The following CEP85L variants were observed in gnomAD, a reference collection of about 807,000 sequenced individuals.
The protein encoded by CEP85L is centrosomal protein of 85 kDa-like.
A neutral mutation model predicts 100.3 loss-of-function variants in CEP85L; 60 were observed. The observed-to-expected ratio is 0.60, with a 90% CI of 0.49 to 0.74. The LOEUF (loss-of-function observed/expected upper bound fraction) is 0.74, where lower values mean the gene tolerates loss of function less well. CEP85L is among the 30% of genes least tolerant of loss of function. CEP85L has a pLI of 0.00. For synonymous variants in CEP85L, 319 were observed against 322.7 expected (o/e 0.99, Z 0.12); for missense variants, 973 against 936.2 (o/e 1.04, Z -0.51).
chr6:118,671,888 G>A (rs1776316562), intron 1 of CEP85L, among the ~76,000 whole-genome samples: 1 of 152,194 alleles, frequency 6.6e-6, no homozygotes, highest in Non-Finnish European at 1.5e-5. Context: ...AGTGAGCTGA[G>A]ATGGTGCCAC....
intron 2 of CEP85L, among the ~76,000 whole-genome samples, chr6:118,612,656 G>T (rs373995179): frequency 2.1e-4 from 15 of 70,956 alleles, no homozygotes; most frequent in Non-Finnish European, 3.4e-4. Context: ...GTGAGACTCT[G>T]TCTCAAAAAA....
chr6:118,471,280 T>C (rs1193987575), intron 10 of CEP85L, among the ~76,000 whole-genome samples: 3 of 152,050 alleles, frequency 2.0e-5, no homozygotes, highest in East Asian at 3.8e-4. Flanking sequence ...ACATTTTGAG[T>C]CTTTGGTTAG....
intron 1 of CEP85L, among the ~76,000 whole-genome samples, chr6:118,638,678 T>C (rs1008910854): frequency 6.6e-6 from 1 of 151,446 alleles, no homozygotes; most frequent in African/African-American, 2.4e-5. Flanking sequence ...CAAGAAACTC[T>C]ACATTGGAAC....
At chr6:118,672,308 G>T (rs1261626725) in intron 1 of CEP85L, among the ~76,000 whole-genome samples, 1 of 152,140 alleles carries the variant, frequency 6.6e-6, no homozygotes, top group Non-Finnish European at 1.5e-5. Flanking sequence ...AAAATGCTGG[G>T]ATTGCAGGCG....
At chr6:118,590,549 A>G (rs1781127636) in intron 2 of CEP85L, among the ~76,000 whole-genome samples, 1 of 152,044 alleles carries the variant, frequency 6.6e-6, no homozygotes, top group African/African-American at 2.4e-5. Context: ...GGGTTAAGTG[A>G]ATGATATACC....
chr6:118,640,641 C>T (rs1487179135), intron 1 of CEP85L, among the ~76,000 whole-genome samples: 1 of 152,152 alleles, frequency 6.6e-6, no homozygotes, highest in Non-Finnish European at 1.5e-5. Flanking sequence ...TCTCCTGCCT[C>T]AGCCTCCCAA....
chr6:118,588,971 A>G lies in CEP85L; in HGVS notation c.233-22655T>C, dbSNP rs904068373. 35 of 191,828 alleles carry G rather than the reference A, an allele frequency of 1.8e-4. 1 individual carries two copies. In the East Asian group the frequency reaches 2.1e-3, roughly 11 times the overall value. The allele number at this position is 191,828 out of a possible 1,614,324, so 11.9% of individuals were successfully genotyped here. ...TCTCCTCCGGGTAGAATGTTATAGG[A>G]GTTATTAAAAAATTATTTGGCCACT... On this transcript the variant is annotated intron_variant, in intron 2 of 12. Coordinates refer to ENST00000368491, the MANE Select transcript of CEP85L (RefSeq NM_001042475.3).
At chr6:118,558,016 G>A (rs1778979658) in intron 3 of CEP85L, among the ~76,000 whole-genome samples, 1 of 151,222 alleles carries the variant, frequency 6.6e-6, no homozygotes, top group Non-Finnish European at 1.5e-5. Context: ...CCAGGCTGGA[G>A]TACAGTGGCA....
chr6:118,565,805 C>T lies in CEP85L; in HGVS notation c.744G>A (p.Arg248=). Residue 248 remains arginine (R), a synonymous_variant, in exon 3 of 13, where the codon AGG becomes AGA. Coordinates refer to ENST00000368491, the MANE Select transcript of CEP85L (RefSeq NM_001042475.3). ...EDFRASSSTL[R]RQPVDMTYSA... ...TATATGTCATGTCTACAGGCTGTCT[C>T]CTAAGAGTAGAGGAAGAGGCTCTAA... 6.2e-7 allele frequency: 1 copy of T among 1,614,124 alleles called. No homozygotes were observed. Among genetic ancestry groups the T allele is most frequent in the Non-Finnish European group, 8.5e-7 (1 of 1,180,020 alleles).
rs754632133 is a variant in CEP85L, at chr6:118,566,127, T to C, written c.422A>G (p.Gln141Arg). 14 of 1,614,182 alleles carry C rather than the reference T, an allele frequency of 8.7e-6. No individual in the cohort carries two copies. Among genetic ancestry groups the C allele is most frequent in the Non-Finnish European group, 1.1e-5 (13 of 1,180,012 alleles). The change falls in exon 3 of 13, where the codon CAG becomes CGG. Residue 141 changes from glutamine (Q) to arginine (R), a missense_variant. Gln to Arg is a conservative substitution (Grantham distance 43). Transcript: ENST00000368491. Reference protein sequence around the residue: ...QTLGNHSRGEQDSSLDMKDFR... With the variant: ...QTLGNHSRGERDSSLDMKDFR... The stretch of plus-strand genomic sequence containing the variant: ...GTCCTTCATGTCTAGGGAAGAGTCC[T>C]GCTCCCCCCTACTGTGGTTTCCCAA...
At chr6:118,572,195 C>T (rs1370453657) in intron 2 of CEP85L, among the ~76,000 whole-genome samples, 4 of 150,518 alleles carry the variant, frequency 2.7e-5, no homozygotes, top group African/African-American at 4.9e-5. Flanking sequence ...GTTTTTTTTC[C>T]CTTCCTGCTA....
At position 118,552,059 on chromosome 6, in the gene CEP85L, C is replaced by G. The variant is rs148187936; in HGVS notation, c.1020+13470G>C. Among the ~76,000 whole-genome samples the G allele has an allele frequency of 2.7e-3, 414 of 152,118 alleles. 2 individuals carry two copies. The highest frequency in any genetic ancestry group is 9.5e-3 in the African/African-American group (393 of 41,544). The stretch of plus-strand genomic sequence containing the variant: ...CAAATATAGACAAGTCCTGTTTATT[C>G]AATCTATAGAAAATTCTAATCTTCT... On this transcript the variant is annotated intron_variant, in intron 3 of 12. Coordinates refer to ENST00000368491, the MANE Select transcript of CEP85L (RefSeq NM_001042475.3).
intron 2 of CEP85L, among the ~76,000 whole-genome samples, chr6:118,616,100 T>A (rs1335804066): frequency 6.6e-6 from 1 of 151,764 alleles, no homozygotes; most frequent in African/African-American, 2.4e-5. Flanking sequence ...AATATAATAA[T>A]AAAATATTTA....
At chr6:118,507,336 C>A (rs982736697) in intron 5 of CEP85L, among the ~76,000 whole-genome samples, 4 of 152,158 alleles carry the variant, frequency 2.6e-5, no homozygotes, top group Non-Finnish European at 4.4e-5. Context: ...TCATTCTGAC[C>A]ACTACAGATA....
chr6:118,620,021 T>C (rs1303031325), intron 2 of CEP85L, among the ~76,000 whole-genome samples: 1 of 152,176 alleles, frequency 6.6e-6, no homozygotes, highest in Non-Finnish European at 1.5e-5. Context: ...TGCTAACTTG[T>C]ATCTTGGAAG....
At chr6:118,513,083 C>T (rs1431858798) in intron 4 of CEP85L, among the ~76,000 whole-genome samples, 1 of 152,038 alleles carries the variant, frequency 6.6e-6, no homozygotes, top group Non-Finnish European at 1.5e-5. Flanking sequence ...TTAGACATTA[C>T]AGCACAAAAG....
chr6:118,547,799 G>C, intron 3 of CEP85L, among the ~76,000 whole-genome samples: 1 of 151,308 alleles, frequency 6.6e-6, no homozygotes, highest in South Asian at 2.1e-4. Context: ...ATACACACAA[G>C]AACAAGAACA....
chr6:118,568,633 G>A (rs407747), intron 2 of CEP85L, among the ~76,000 whole-genome samples: 2,971 of 152,210 alleles, frequency 0.02, 88 homozygotes, highest in African/African-American at 0.067. Context: ...ACAAAGGAGT[G>A]AATGATATGA....
chr6:118,473,779 C>A (rs1389212764), intron 10 of CEP85L, among the ~76,000 whole-genome samples: 1 of 151,944 alleles, frequency 6.6e-6, no homozygotes, highest in Non-Finnish European at 1.5e-5. Context: ...GACATACTTT[C>A]AAGGTAGTAG....
Sources: allele counts gnomAD v4.1 joint callset (sites outside exome capture counted in the v4.1 genomes callset), GRCh38; gene constraint gnomAD v4.1.1; transcripts MANE v1.5; gene names NCBI Gene and HGNC (gene_info 2026-07-23, HGNC 2026-07-21).